SLCO3A1: variants seen among roughly 807,000 people sequenced by gnomAD.
The protein encoded by SLCO3A1 is solute carrier organic anion transporter family member 3A1, also known as PGE1 transporter.
A neutral mutation model predicts 63.1 loss-of-function variants in SLCO3A1; 27 were observed. The ratio of observed to expected loss-of-function variants is 0.43; its 90% CI spans 0.32 to 0.59. The LOEUF is 0.59. SLCO3A1 is among the 20% of genes least tolerant of loss of function. The probability of loss-of-function intolerance (pLI) is 0.09; values close to 1 mark genes in which losing one functional copy is unlikely to be tolerated. For synonymous variants in SLCO3A1, 473 were observed against 409.9 expected (o/e 1.15, Z -1.86); for missense variants, 773 against 945.8 (o/e 0.82, Z 2.40).
chr15:92,123,317 G>C (rs1596121144), intron 5 of SLCO3A1, among the ~76,000 whole-genome samples: 1 of 152,288 alleles, frequency 6.6e-6, no homozygotes, highest in South Asian at 2.1e-4. Context: ...TGAGGCAGTA[G>C]AATCGCTTGA....
intron 2 of SLCO3A1, among the ~76,000 whole-genome samples, chr15:92,001,959 C>T (rs185981134): frequency 2.6e-3 from 391 of 150,624 alleles, no homozygotes; most frequent in Non-Finnish European, 3.4e-3. Flanking sequence ...AGAGAGATAC[C>T]TGCTCAATGC....
rs1307976608 is a variant in SLCO3A1 at position 91,912,020 on chromosome 15, T to C, written c.181-3973T>C. On this transcript the variant is annotated intron_variant, in intron 1 of 9. Coordinates refer to ENST00000318445, the MANE Select transcript of SLCO3A1 (RefSeq NM_013272.4). This position sits in a 1 kb window ranked among gnomAD's most constrained non-coding sequence, Gnocchi z 5.0. ...ATCATTGTAGAAGCCTGATACATAC[T>C]GCATACTTTACATAATAACTTCATA... Among the ~76,000 whole-genome samples the C allele has an allele frequency of 1.3e-5, 2 of 152,100 alleles. No homozygotes were observed. The highest frequency in any genetic ancestry group is 2.9e-5 in the Non-Finnish European group (2 of 68,028).
At chr15:92,047,590 T>A (rs1407728535) in intron 2 of SLCO3A1, among the ~76,000 whole-genome samples, 697 of 8,994 alleles carry the variant, frequency 0.077, 202 homozygotes, top group African/African-American at 0.15. Flanking sequence ...ATAATATATA[T>A]ATAATATATA....
intron 4 of SLCO3A1, 129 bp downstream of exon 4, chr15:92,104,671 A>T: frequency 1.1e-6 from 1 of 927,260 alleles, no homozygotes; most frequent in South Asian, 1.8e-5. Context: ...ATTGGCTTGC[A>T]TGGCTGGCCT....
chr15:92,098,680 G>T (rs147697306), intron 3 of SLCO3A1, among the ~76,000 whole-genome samples: 231 of 152,270 alleles, frequency 1.5e-3, no homozygotes, highest in African/African-American at 5.3e-3. Flanking sequence ...ATTCTCATGG[G>T]AGTGTAGATC....
At chr15:92,106,059 T>C (rs2047663916) in intron 4 of SLCO3A1, among the ~76,000 whole-genome samples, 1 of 152,224 alleles carries the variant, frequency 6.6e-6, no homozygotes, top group African/African-American at 2.4e-5. Flanking sequence ...ACACAGTTCC[T>C]CACTGCCAGT....
chr15:91,880,108 TCC>T (rs1251595352), intron 1 of SLCO3A1, among the ~76,000 whole-genome samples: 3 of 75,406 alleles, frequency 4.0e-5, no homozygotes, highest in African/African-American at 1.3e-4. Flanking sequence ...TGTCCGTCCG[TCC>T]GTCCGTCCGT....
At chr15:92,106,029 A>G (rs2047663562) in intron 4 of SLCO3A1, among the ~76,000 whole-genome samples, 1 of 152,084 alleles carries the variant, frequency 6.6e-6, no homozygotes, top group Non-Finnish European at 1.5e-5. Flanking sequence ...CTTCTTTTCC[A>G]CGAATGTAAA....
At chr15:91,981,326 A>G (rs1022357) in intron 2 of SLCO3A1, among the ~76,000 whole-genome samples, 34,166 of 152,112 alleles carry the variant, frequency 0.22, 4,241 homozygotes, top group East Asian at 0.38. Context: ...ATGGGACATC[A>G]TCGCTGGGCA....
chr15:92,170,348 C>T (rs1434010051), downstream of SLCO3A1, among the ~76,000 whole-genome samples: 1 of 152,202 alleles, frequency 6.6e-6, no homozygotes, highest in Non-Finnish European at 1.5e-5. Flanking sequence ...ACCTGCTACC[C>T]ACGTGCCGGG....
rs145016752 is a variant in SLCO3A1 at position 92,126,077 on chromosome 15, G to A, written c.1191G>A (p.Pro397=). 2.5e-5 allele frequency: 41 copies of A among 1,613,640 alleles called. No homozygotes were observed. In the South Asian group the frequency reaches 3.1e-4, roughly 12 times the overall value. The part of the protein sequence containing the change: ...ANQLLGMTAI[P]CACLGIFLGG... Reference sequence around the variant, plus strand: ...TCCTTCCAGGGATGACTGCGATCCCGTGTGCTTGTCTGGGTATCTTCCTGG... The same window carrying A: ...TCCTTCCAGGGATGACTGCGATCCCATGTGCTTGTCTGGGTATCTTCCTGG... The change falls in exon 6 of 10, where the codon CCG becomes CCA. Residue 397 remains proline (P), a synonymous_variant. Coordinates refer to ENST00000318445, the MANE Select transcript of SLCO3A1 (RefSeq NM_013272.4).
At chr15:92,027,169 C>T (rs906219063) in intron 2 of SLCO3A1, among the ~76,000 whole-genome samples, 1 of 151,886 alleles carries the variant, frequency 6.6e-6, no homozygotes, top group Non-Finnish European at 1.5e-5. Context: ...TTGTCATGAG[C>T]TCTCTAAAAA....
In SLCO3A1 at chr15:91,883,939, C is replaced by G. The variant is rs1226078029; in HGVS notation, c.180+29851C>G. Reference sequence around the variant, plus strand: ...CACAAAGCAGGCAACTGAAGGGATCCAGTTTCAGACCAAGGTCTGGCCTGA... The same window carrying G: ...CACAAAGCAGGCAACTGAAGGGATCGAGTTTCAGACCAAGGTCTGGCCTGA... On this transcript the variant is annotated intron_variant, in intron 1 of 9. Transcript: ENST00000318445. This position sits in a 1 kb window ranked among gnomAD's most constrained non-coding sequence, Gnocchi z 4.8. Among the ~76,000 whole-genome samples, 1 of 152,230 alleles carries G rather than the reference C, an allele frequency of 6.6e-6. No individual in the cohort carries two copies. Among genetic ancestry groups the G allele is most frequent in the Non-Finnish European group, 1.5e-5 (1 of 68,042 alleles).
At chr15:92,004,720 C>T (rs879910983) in intron 2 of SLCO3A1, among the ~76,000 whole-genome samples, 1 of 152,226 alleles carries the variant, frequency 6.6e-6, no homozygotes, top group African/African-American at 2.4e-5. Context: ...GCAGGTGCAT[C>T]CCAGAAGCAA....
At position 92,162,980 on chromosome 15, in the gene SLCO3A1, G is replaced by A. The variant is rs756322073; in HGVS notation, c.1978G>A (p.Glu660Lys). ...KNYKRYIKNH[E>K]GGLSTSEFFA... The stretch of plus-strand genomic sequence containing the variant: ...CTATAAACGCTACATCAAAAACCAC[G>A]AGGGCGGGCTGAGCACCAGTGAGTT... Residue 660 changes from glutamate (E) to lysine (K), a missense_variant, in exon 10 of 10, where the codon GAG becomes AAG. Glu to Lys is a moderately conservative substitution (Grantham distance 56, BLOSUM62 1). Around this residue, in one of 3 missense-constraint regions of SLCO3A1, gnomAD observed 139 missense variants for 131.4 expected, o/e 1.06. Transcript: ENST00000318445. 5.9e-5 allele frequency: 96 copies of A among 1,613,816 alleles called. No individual in the cohort carries two copies. Among genetic ancestry groups the A allele is most frequent in the Admixed American group, 8.3e-5 (5 of 59,994 alleles).
chr15:92,085,088 T>G (rs925999993), intron 2 of SLCO3A1, among the ~76,000 whole-genome samples: 3 of 152,204 alleles, frequency 2.0e-5, no homozygotes, highest in Admixed American at 6.5e-5. Flanking sequence ...AGCACACTAC[T>G]TTTCAGATGC....
intron 2 of SLCO3A1, among the ~76,000 whole-genome samples, chr15:92,071,220 G>A (rs371205084): frequency 9.2e-5 from 14 of 152,278 alleles, no homozygotes; most frequent in African/African-American, 3.1e-4. Flanking sequence ...GTTGAGGAGC[G>A]GTTGGGTGCT....
In SLCO3A1 at chr15:91,897,635, T is replaced by C. The variant is rs953644233; in HGVS notation, c.181-18358T>C. Among the ~76,000 whole-genome samples, 27 of 152,208 alleles carry C rather than the reference T, an allele frequency of 1.8e-4. No homozygotes were observed. Among genetic ancestry groups the C allele is most frequent in the Non-Finnish European group, 2.9e-5 (2 of 68,040 alleles). On this transcript the variant is annotated intron_variant, in intron 1 of 9. Coordinates refer to ENST00000318445, the MANE Select transcript of SLCO3A1 (RefSeq NM_013272.4). This position sits in a 1 kb window ranked among gnomAD's most constrained non-coding sequence, Gnocchi z 4.7. ...AAAACGTGGCTGCAGGTGTTTTCCC[T>C]AGCTGATGAAATGCTGGGACTGTCC... is the stretch of plus-strand genomic sequence containing the variant.
Position 92,141,375 on chromosome 15 carries a change from C to T in SLCO3A1, c.1513-5609C>T, listed in dbSNP as rs370854151. Among the ~76,000 whole-genome samples the T allele has an allele frequency of 7.2e-5, 11 of 152,294 alleles. No individual in the cohort carries two copies. In the East Asian group the frequency reaches 1.7e-3, roughly 24 times the overall value. ...GACAGCCAGAGAAAGCATTAGGGGACATATCACTTCATTCAGACCATGGGA... is the reference window on the plus strand; with the variant it reads ...GACAGCCAGAGAAAGCATTAGGGGATATATCACTTCATTCAGACCATGGGA... On this transcript the variant is annotated intron_variant, in intron 7 of 9. Transcript: ENST00000318445.
Sources: gnomAD v4.1 joint callset for allele counts (sites outside exome capture counted in the v4.1 genomes callset) on GRCh38, gnomAD v4.1.1 for gene constraint, gnomAD v4.1.1 regional missense constraint, Gnocchi (gnomAD v3.1) non-coding constraint, MANE v1.5 for transcripts, NCBI Gene and HGNC (gene_info 2026-07-23, HGNC 2026-07-21) for gene names.